ZNF438: variants seen among roughly 807,000 people sequenced by gnomAD.
ZNF438 encodes zinc finger protein 438.
ZNF438 carries 25 observed loss-of-function variants against 38.0 expected under a neutral mutation model. The observed-to-expected ratio is 0.66, with a 90% CI of 0.48 to 0.92. The LOEUF is 0.92. Ranked by LOEUF, ZNF438 falls within the 40% of genes least tolerant of loss-of-function variation. The pLI is 0.00. For synonymous variants in ZNF438, 372 were observed against 364.1 expected, an observed-to-expected ratio of 1.02 and a Z score of -0.25; for missense variants, 1,007 against 999.6, an observed-to-expected ratio of 1.01 and a Z score of -0.10.
intron 4 of ZNF438, among the ~76,000 whole-genome samples, chr10:30,854,564 T>G (rs1405093499): frequency 6.6e-6 from 1 of 152,220 alleles, no homozygotes; most frequent in Non-Finnish European, 1.5e-5. Flanking sequence ...AAAATGACCT[T>G]TAACATTTCC....
intron 2 of ZNF438, among the ~76,000 whole-genome samples, chr10:30,941,296 T>A (rs1047701874): frequency 5.9e-5 from 9 of 152,174 alleles, no homozygotes; most frequent in Admixed American, 5.9e-4. Context: ...GGTCTCGAAA[T>A]CCTGATCTCA....
At chr10:30,955,994 A>C (rs1482538592) in intron 1 of ZNF438, among the ~76,000 whole-genome samples, 1 of 152,116 alleles carries the variant, frequency 6.6e-6, no homozygotes, top group East Asian at 1.9e-4. Flanking sequence ...AAAACAAACA[A>C]TTTTTCAAAC....
intron 1 of ZNF438, among the ~76,000 whole-genome samples, chr10:30,990,954 A>G (rs1335252462): frequency 6.6e-6 from 1 of 152,228 alleles, no homozygotes; most frequent in East Asian, 1.9e-4. Context: ...AAACAATTTA[A>G]CTGGAAAAAA....
chr10:30,972,077 G>A (rs563192064), intron 1 of ZNF438, among the ~76,000 whole-genome samples: 1 of 151,358 alleles, frequency 6.6e-6, no homozygotes, highest in Non-Finnish European at 1.5e-5. Flanking sequence ...TCACGCCATT[G>A]TCCTGCTTCA....
chr10:30,901,925 G>C (rs528446997), intron 3 of ZNF438, among the ~76,000 whole-genome samples: 1 of 151,842 alleles, frequency 6.6e-6, no homozygotes, highest in South Asian at 2.1e-4. Context: ...TTCGCTGTGA[G>C]TGTTACAGCT....
intron 2 of ZNF438, among the ~76,000 whole-genome samples, chr10:30,940,091 G>T (rs2046659815): frequency 6.6e-6 from 1 of 152,162 alleles, no homozygotes; most frequent in African/African-American, 2.4e-5. Context: ...AACAAAAATG[G>T]TTGCCAAGAA....
intron 3 of ZNF438, among the ~76,000 whole-genome samples, chr10:30,877,301 G>A (rs1478867803): frequency 6.6e-6 from 1 of 152,156 alleles, no homozygotes; most frequent in Non-Finnish European, 1.5e-5. Context: ...TGACACATCA[G>A]GGGCCTTAGT....
intron 2 of ZNF438, among the ~76,000 whole-genome samples, chr10:30,929,411 T>C (rs535632874): frequency 6.6e-6 from 1 of 151,920 alleles, no homozygotes. Context: ...CTTAAGGCGG[T>C]GTGTCTGGAG....
At chr10:30,987,723 G>A (rs1441602837) in intron 1 of ZNF438, among the ~76,000 whole-genome samples, 1 of 151,672 alleles carries the variant, frequency 6.6e-6, no homozygotes, top group African/African-American at 2.4e-5. Context: ...CACCCAGGAA[G>A]GGCCATGTGA....
In ZNF438 at chr10:30,969,086, G is replaced by C. The variant is rs116194572; in HGVS notation, c.-191-27435C>G. On this transcript the variant is annotated intron_variant, in intron 1 of 5. Transcript: ENST00000413025. ...GGAATGGAATTTCATGGGTCACTTG[G>C]AAATAAGATTTTTTTTTCATTGGTA... is the stretch of plus-strand genomic sequence containing the variant. 4.9e-3 allele frequency among the ~76,000 whole-genome samples: 750 copies of C among 152,224 alleles called. 10 individuals carry two copies. Among genetic ancestry groups the C allele is most frequent in the African/African-American group, 0.017 (700 of 41,540 alleles).
intron 1 of ZNF438, among the ~76,000 whole-genome samples, chr10:31,030,195 GTCCCTGCCTTT>G (rs2057196023): frequency 6.6e-6 from 1 of 152,060 alleles, no homozygotes; most frequent in South Asian, 2.1e-4. Flanking sequence ...CACTTCAAGT[GTCCCTGCCTTT>G]GAATGGCTTT....
chr10:30,934,855 A>G (rs945773358), intron 2 of ZNF438, among the ~76,000 whole-genome samples: 1 of 152,212 alleles, frequency 6.6e-6, no homozygotes, highest in African/African-American at 2.4e-5. Flanking sequence ...TGTTGCCAGG[A>G]CATTATCTAC....
intron 1 of ZNF438, among the ~76,000 whole-genome samples, chr10:30,986,060 T>C (rs938677526): frequency 6.6e-6 from 1 of 152,222 alleles, no homozygotes; most frequent in African/African-American, 2.4e-5. Flanking sequence ...CTGTACAGGT[T>C]TGTAGCCCAG....
intron 1 of ZNF438, among the ~76,000 whole-genome samples, chr10:30,948,741 G>A (rs1287618460): frequency 6.6e-6 from 1 of 151,476 alleles, no homozygotes; most frequent in Non-Finnish European, 1.5e-5. Flanking sequence ...CAAGAAATAT[G>A]GGACTATGTG....
At chr10:30,996,791 T>C (rs953018099) in intron 1 of ZNF438, among the ~76,000 whole-genome samples, 1 of 152,108 alleles carries the variant, frequency 6.6e-6, no homozygotes, top group African/African-American at 2.4e-5. Flanking sequence ...AGAGACCACA[T>C]GCTAGGCCAT....
At chr10:30,845,273 T>A (rs778621348) in exon 6 of ZNF438, 17 of 1,613,922 alleles carry the variant, frequency 1.1e-5, no homozygotes, top group Non-Finnish European at 1.4e-5. Flanking sequence ...GCCTTTTCAG[T>A]CTTGGACATG....
intron 3 of ZNF438, among the ~76,000 whole-genome samples, chr10:30,884,349 G>C (rs2039675406): frequency 6.6e-6 from 1 of 151,668 alleles, no homozygotes; most frequent in Non-Finnish European, 1.5e-5. Flanking sequence ...CCTCTGATTT[G>C]ATCCTCTGAT....
At chr10:30,916,748 C>T (rs1157494042) in intron 2 of ZNF438, among the ~76,000 whole-genome samples, 1 of 151,952 alleles carries the variant, frequency 6.6e-6, no homozygotes, top group Non-Finnish European at 1.5e-5. Context: ...TGAGTTGTTC[C>T]CAGCTTTCTG....
chr10:30,883,212 T>C (rs1285076172), intron 3 of ZNF438, among the ~76,000 whole-genome samples: 2 of 152,208 alleles, frequency 1.3e-5, no homozygotes, highest in African/African-American at 4.8e-5. Flanking sequence ...AGAAAAATGA[T>C]AATACAAACT....
Sources: allele counts gnomAD v4.1 joint callset (sites outside exome capture counted in the v4.1 genomes callset), GRCh38; gene constraint gnomAD v4.1.1; transcripts MANE v1.5; gene names NCBI Gene and HGNC (gene_info 2026-07-23, HGNC 2026-07-21).